The following APBB2 variants were observed in gnomAD, a reference collection of about 807,000 sequenced individuals.
The protein encoded by APBB2 is Fe65-like 1.
A neutral mutation model predicts 82.5 loss-of-function variants in APBB2; 38 were observed. The ratio of observed to expected loss-of-function variants is 0.46; its 90% CI spans 0.36 to 0.60. The LOEUF is 0.60. Ranked by LOEUF, APBB2 falls within the 20% of genes least tolerant of loss-of-function variation. The pLI, the probability that APBB2 is intolerant of heterozygous loss-of-function variation, is 0.00. For missense variants in APBB2, 772 were observed against 972.3 expected (o/e 0.79, Z 2.74); for synonymous variants, 341 against 368.2 (o/e 0.93, Z 0.85).
chr4:40,841,719 C>A (rs1431627838), intron 12 of APBB2, among the ~76,000 whole-genome samples: 1 of 152,138 alleles, frequency 6.6e-6, no homozygotes, highest in Non-Finnish European at 1.5e-5. Context: ...CCCTCTGTCA[C>A]CCTGGCTGGA....
At position 40,813,820 on chromosome 4, in the gene APBB2, C is replaced by T. The variant is rs1045826290; in HGVS notation, c.*2272G>A. The T allele has an allele frequency of 2.0e-5, 3 of 152,124 alleles. No homozygotes were observed. The highest frequency in any genetic ancestry group is 4.4e-5 in the Non-Finnish European group (3 of 68,028). The allele number at this position is 152,124 out of a possible 1,614,324, so 9.4% of individuals were successfully genotyped here. On this transcript the variant is annotated 3_prime_UTR_variant, in exon 18 of 18. Coordinates refer to ENST00000508593, the MANE Select transcript of APBB2 (RefSeq NM_004307.2). ...TTTATCACACTAAAATGTTTCACTA[C>T]AGCGACCGAGATGAAAGATCACTGT...
intron 12 of APBB2, chr4:40,881,237 T>C (rs907511741): frequency 2.5e-5 from 25 of 984,810 alleles, no homozygotes; most frequent in African/African-American, 3.5e-5. Flanking sequence ...GAGAGAATTA[T>C]TGTTCCTTCC....
intron 6 of APBB2, among the ~76,000 whole-genome samples, chr4:41,004,250 T>A (rs1161769962): frequency 6.6e-6 from 1 of 152,062 alleles, no homozygotes; most frequent in Non-Finnish European, 1.5e-5. Context: ...CCACCAAGTG[T>A]GTGATAATTT....
At chr4:40,899,475 G>A (rs1024400334) in intron 10 of APBB2, among the ~76,000 whole-genome samples, 10 of 152,114 alleles carry the variant, frequency 6.6e-5, no homozygotes, top group South Asian at 2.1e-4. Context: ...AACATGTGTC[G>A]TGGAGCAGAA....
At chr4:40,823,506 AT>A in intron 16 of APBB2, 137 bp downstream of exon 16, 1 of 639,454 alleles carries the variant, frequency 1.6e-6, no homozygotes, top group Non-Finnish European at 2.8e-6. Context: ...AAAGGGCCAA[AT>A]CTTTCAAATG....
intron 1 of APBB2, among the ~76,000 whole-genome samples, chr4:41,165,002 T>A (rs1293327219): frequency 6.6e-6 from 1 of 152,240 alleles, no homozygotes; most frequent in Non-Finnish European, 1.5e-5. Flanking sequence ...ATATTTTCCC[T>A]TTAGCCCCAT....
In APBB2 at chr4:40,827,125, G is replaced by T; in HGVS notation, c.1732+7C>A. ...CATAATGAAGACATGAGGTGCCACT[G>T]ACTTACCTTGCAAAGGGACATCGAG... is the stretch of plus-strand genomic sequence containing the variant. On this transcript the variant is annotated splice_region_variant and intron_variant, in intron 14 of 17. Transcript: ENST00000508593. 6.2e-7 allele frequency: 1 copy of T among 1,613,700 alleles called. No individual in the cohort carries two copies. Among genetic ancestry groups the T allele is most frequent in the South Asian group, 1.1e-5 (1 of 91,022 alleles).
chr4:41,079,769 G>A (rs973097178), intron 3 of APBB2, among the ~76,000 whole-genome samples: 2 of 152,002 alleles, frequency 1.3e-5, no homozygotes, highest in African/African-American at 2.4e-5. Context: ...GGATGGTCTC[G>A]ATCTCTTGAC....
At chr4:41,159,932 A>AGGG in intron 1 of APBB2, among the ~76,000 whole-genome samples, 1 of 28,400 alleles carries the variant, frequency 3.5e-5, no homozygotes, top group Non-Finnish European at 9.2e-5. Context: ...GAGGAGGAGG[A>AGGG]GGAGGAGGAG....
intron 7 of APBB2, among the ~76,000 whole-genome samples, chr4:40,944,498 A>G (rs1448045613): frequency 6.6e-6 from 1 of 152,194 alleles, no homozygotes; most frequent in Non-Finnish European, 1.5e-5. Flanking sequence ...ACGTCTGGCC[A>G]AGAGATGTTC....
chr4:41,004,142 C>T (rs1418852747), intron 6 of APBB2, among the ~76,000 whole-genome samples: 3 of 152,014 alleles, frequency 2.0e-5, no homozygotes, highest in Non-Finnish European at 4.4e-5. Flanking sequence ...TGGTCTCGAA[C>T]TCCTGACCTC....
intron 12 of APBB2, among the ~76,000 whole-genome samples, chr4:40,845,626 A>G (rs1450926518): frequency 7.0e-6 from 1 of 143,752 alleles, no homozygotes; most frequent in African/African-American, 2.6e-5. Flanking sequence ...CCAGCACACC[A>G]GAATGACAAT....
At chr4:40,955,226 TG>T (rs1039416988) in intron 6 of APBB2, among the ~76,000 whole-genome samples, 1 of 152,032 alleles carries the variant, frequency 6.6e-6, no homozygotes, top group African/African-American at 2.4e-5. Flanking sequence ...GAGCCAGCCT[TG>T]GGAAGGGACA....
Position 41,127,823 on chromosome 4 carries a change from T to C in APBB2, c.-261+15164A>G, listed in dbSNP as rs938058872. 4.2e-4 allele frequency among the ~76,000 whole-genome samples: 64 copies of C among 152,020 alleles called. No individual in the cohort carries two copies. The highest frequency in any genetic ancestry group is 1.5e-3 in the African/African-American group (63 of 41,394). On this transcript the variant is annotated intron_variant, in intron 2 of 17. Coordinates refer to ENST00000508593, the MANE Select transcript of APBB2 (RefSeq NM_004307.2). This position sits in a 1 kb window ranked among gnomAD's most constrained non-coding sequence, Gnocchi z 4.8. ...GGCCAGGGGCGATGGCTCATGCTTG[T>C]AATCCCAGCACTTTGGGAGGCGGAG...
intron 6 of APBB2, among the ~76,000 whole-genome samples, chr4:40,971,564 C>G (rs949000962): frequency 2.0e-5 from 3 of 152,270 alleles, no homozygotes; most frequent in African/African-American, 7.2e-5. Flanking sequence ...TATTAGATAA[C>G]ATAACCGCTC....
At chr4:40,947,659 T>TGCTGG (rs993851524) in intron 6 of APBB2, among the ~76,000 whole-genome samples, 10 of 152,252 alleles carry the variant, frequency 6.6e-5, no homozygotes, top group African/African-American at 2.4e-4. Flanking sequence ...GTAACAATGG[T>TGCTGG]GCTGGTGACA....
At chr4:40,973,251 G>C (rs561748532) in intron 6 of APBB2, among the ~76,000 whole-genome samples, 2 of 152,302 alleles carry the variant, frequency 1.3e-5, no homozygotes, top group African/African-American at 4.8e-5. Flanking sequence ...GGGAAAAGAA[G>C]GTCAGGATAT....
At chr4:40,995,536 T>TAA (rs1189360025) in intron 6 of APBB2, among the ~76,000 whole-genome samples, 4 of 147,706 alleles carry the variant, frequency 2.7e-5, no homozygotes, top group African/African-American at 1.0e-4. Flanking sequence ...GGCTAATGTT[T>TAA]AAAAAAAAAA....
intron 11 of APBB2, among the ~76,000 whole-genome samples, chr4:40,891,508 C>T (rs974949209): frequency 6.6e-6 from 1 of 152,168 alleles, no homozygotes; most frequent in African/African-American, 2.4e-5. Context: ...AGACAAATTG[C>T]TTTCTGGTAT....
Sources: allele counts gnomAD v4.1 joint callset (sites outside exome capture counted in the v4.1 genomes callset), GRCh38; gene constraint gnomAD v4.1.1; non-coding constraint Gnocchi (gnomAD v3.1); transcripts MANE v1.5; gene names NCBI Gene and HGNC (gene_info 2026-07-23, HGNC 2026-07-21).